Variants in VAV3 observed in about 807,000 individuals in gnomAD.
VAV3 encodes the protein vav guanine nucleotide exchange factor 3, also known as guanine nucleotide exchange factor VAV3.
Under a neutral mutation model 131.2 loss-of-function variants are expected in VAV3, and 94 were observed. The observed-to-expected ratio is 0.72, with a 90% CI of 0.61 to 0.85. The LOEUF is 0.85. Among genes scored for constraint, VAV3 ranks in the 40% least tolerant of loss-of-function variants. VAV3 has a pLI of 0.00. For synonymous variants in VAV3, 349 were observed against 342.0 expected, an observed-to-expected ratio of 1.02 and a Z score of -0.22; for missense variants, 939 against 1,002.7, an observed-to-expected ratio of 0.94 and a Z score of 0.86.
Position 107,964,956 on chromosome 1 carries a change from G to C in VAV3, c.-87C>G. On this transcript the variant is annotated 5_prime_UTR_variant, in exon 1 of 27. Transcript: ENST00000370056. The stretch of plus-strand genomic sequence containing the variant: ...CGCCGCCGCGGTTCCTCCGCGCCCC[G>C]CCGACGCCAACAGCCGCCGGCCCTT... 1.8e-6 allele frequency: 2 copies of C among 1,118,228 alleles called. No homozygotes were observed. Among genetic ancestry groups the C allele is most frequent in the Non-Finnish European group, 2.2e-6 (2 of 889,476 alleles). 69.3% of individuals were successfully genotyped at this position (1,118,228 alleles called of 1,614,324 possible). A position where few individuals can be genotyped will look rare whatever the true frequency, so the allele number is the denominator to read the frequency against.
intron 1 of VAV3, among the ~76,000 whole-genome samples, chr1:107,924,682 C>T (rs1383944423): frequency 2.6e-5 from 4 of 152,080 alleles, no homozygotes; most frequent in Non-Finnish European, 4.4e-5. Context: ...AAAAACAGTG[C>T]CTTCATATCT....
chr1:107,908,549 T>C (rs1274964289), intron 1 of VAV3, among the ~76,000 whole-genome samples: 1 of 152,192 alleles, frequency 6.6e-6, no homozygotes, highest in Non-Finnish European at 1.5e-5. Flanking sequence ...TCTGGCTTTT[T>C]AAAATAAATG....
At chr1:107,851,647 T>A (rs1669238361) in intron 2 of VAV3, among the ~76,000 whole-genome samples, 1 of 152,104 alleles carries the variant, frequency 6.6e-6, no homozygotes. Flanking sequence ...CAGGATGCTG[T>A]CCCCAAAGGG....
At chr1:107,659,821 A>G (rs923452882) in intron 19 of VAV3, among the ~76,000 whole-genome samples, 4 of 152,160 alleles carry the variant, frequency 2.6e-5, no homozygotes, top group African/African-American at 9.7e-5. Context: ...TGTAAAATCT[A>G]TTGATTGGGT....
At chr1:107,833,412 G>C (rs2102394774) in intron 2 of VAV3, among the ~76,000 whole-genome samples, 1 of 152,232 alleles carries the variant, frequency 6.6e-6, no homozygotes, top group South Asian at 2.1e-4. Context: ...GGTTCATAAG[G>C]TTTTAAGAAA....
At chr1:107,650,114 T>G (rs1296124475) in intron 19 of VAV3, among the ~76,000 whole-genome samples, 1 of 152,032 alleles carries the variant, frequency 6.6e-6, no homozygotes, top group African/African-American at 2.4e-5. Flanking sequence ...GTGAATGCTC[T>G]GAAACTGGAA....
At chr1:107,934,026 T>C (rs1673590161) in intron 1 of VAV3, among the ~76,000 whole-genome samples, 1 of 152,130 alleles carries the variant, frequency 6.6e-6, no homozygotes, top group African/African-American at 2.4e-5. Flanking sequence ...CTTTGTTGAA[T>C]GCAAAACAGT....
At chr1:107,706,420 T>C (rs1265463153) in intron 15 of VAV3, among the ~76,000 whole-genome samples, 2 of 152,156 alleles carry the variant, frequency 1.3e-5, no homozygotes, top group Non-Finnish European at 2.9e-5. Flanking sequence ...AATATGAGCG[T>C]GCTAAAAATG....
In VAV3 at chr1:107,768,480, C is replaced by G. The variant is rs771814543; in HGVS notation, c.678G>C (p.Leu226=). Residue 226 remains leucine (L), a synonymous_variant, in exon 7 of 27, where the codon CTG becomes CTC. Coordinates refer to ENST00000370056, the MANE Select transcript of VAV3 (RefSeq NM_006113.5). ...KYFMAPLKRF[L]TAAEFDSVFI... ...ATACTGAATCAAATTCTGCTGCTGTCAGAAATCTTTTTAGTGGTGCCATGA... is the reference window on the plus strand; with the variant it reads ...ATACTGAATCAAATTCTGCTGCTGTGAGAAATCTTTTTAGTGGTGCCATGA... The G allele has an allele frequency of 5.6e-6, 9 of 1,612,378 alleles. No individual in the cohort carries two copies. The East Asian group carries it at 1.6e-4, about 28-fold the overall frequency.
At chr1:107,839,478 T>C (rs943428434) in intron 2 of VAV3, among the ~76,000 whole-genome samples, 3 of 152,108 alleles carry the variant, frequency 2.0e-5, no homozygotes, top group African/African-American at 7.2e-5. Context: ...TTTAACTACA[T>C]GAAAATCAAG....
chr1:107,893,560 A>C (rs1481270921), intron 1 of VAV3, among the ~76,000 whole-genome samples: 1 of 152,042 alleles, frequency 6.6e-6, no homozygotes, highest in Admixed American at 6.6e-5. Context: ...CATGTCTTAC[A>C]TGGATGGCAG....
chr1:107,910,837 G>A (rs563476641), intron 1 of VAV3, among the ~76,000 whole-genome samples: 17 of 151,924 alleles, frequency 1.1e-4, no homozygotes, highest in Admixed American at 2.0e-4. Context: ...AAAATTAGCC[G>A]GGCATAATGG....
intron 15 of VAV3, among the ~76,000 whole-genome samples, chr1:107,728,185 T>A (rs1274398787): frequency 1.3e-5 from 2 of 152,150 alleles, no homozygotes; most frequent in African/African-American, 2.4e-5. Context: ...CACTGGCTCC[T>A]GGACAGGGAA....
intron 25 of VAV3, among the ~76,000 whole-genome samples, chr1:107,582,926 C>A (rs1650178580): frequency 6.6e-6 from 1 of 151,796 alleles, no homozygotes; most frequent in Non-Finnish European, 1.5e-5. Context: ...GGGTATATAC[C>A]CAGTAATGGG....
chr1:107,881,230 G>A (rs768813662), intron 1 of VAV3, among the ~76,000 whole-genome samples: 2 of 152,310 alleles, frequency 1.3e-5, no homozygotes, highest in Non-Finnish European at 2.9e-5. Flanking sequence ...ATGGGATTTA[G>A]ACTAGGATAG....
chr1:107,693,654 C>T (rs1202128766), intron 17 of VAV3, among the ~76,000 whole-genome samples: 1 of 152,120 alleles, frequency 6.6e-6, no homozygotes, highest in African/African-American at 2.4e-5. Context: ...CATCCTATAA[C>T]ATCATTAAAA....
At chr1:107,897,635 A>AT (rs1557909771) in intron 1 of VAV3, among the ~76,000 whole-genome samples, 87 of 152,118 alleles carry the variant, frequency 5.7e-4, no homozygotes, top group African/African-American at 2.0e-3. Flanking sequence ...AGGTGCATTC[A>AT]CCCTGCCCAT....
At chr1:107,649,316 A>C (rs1478136657) in intron 19 of VAV3, among the ~76,000 whole-genome samples, 1 of 152,120 alleles carries the variant, frequency 6.6e-6, no homozygotes, top group Non-Finnish European at 1.5e-5. Flanking sequence ...GCTGAAGAGG[A>C]GGCCAAGAGA....
chr1:107,753,033 G>T (rs1001621587), intron 12 of VAV3, among the ~76,000 whole-genome samples: 1 of 152,074 alleles, frequency 6.6e-6, no homozygotes, highest in Non-Finnish European at 1.5e-5. Context: ...ATTCACAATA[G>T]CTGAAAGAAG....
Sources: gnomAD v4.1 joint callset for allele counts (sites outside exome capture counted in the v4.1 genomes callset) on GRCh38, gnomAD v4.1.1 for gene constraint, MANE v1.5 for transcripts, NCBI Gene and HGNC (gene_info 2026-07-23, HGNC 2026-07-21) for gene names.